The following CELSR1 variants were observed in gnomAD, a reference collection of about 807,000 sequenced individuals.
The protein encoded by CELSR1 is cadherin EGF LAG seven-pass G-type receptor 1.
Under a neutral mutation model 249.1 loss-of-function variants are expected in CELSR1, and 110 were observed. That is an observed-to-expected ratio of 0.44 (90% CI 0.38 to 0.52). The LOEUF is 0.52. Ranked by LOEUF, CELSR1 falls within the 20% of genes least tolerant of loss-of-function variation. The pLI, the probability that CELSR1 is intolerant of heterozygous loss-of-function variation, is 0.00. For missense variants in CELSR1, 4,109 were observed against 4,296.4 expected (o/e 0.96, Z 1.22); for synonymous variants, 2,113 against 1,900.0 (o/e 1.11, Z -2.92).
At chr22:46,514,238 G>A (rs956523427) in intron 1 of CELSR1, among the ~76,000 whole-genome samples, 1 of 152,122 alleles carries the variant, frequency 6.6e-6, no homozygotes, top group Admixed American at 6.5e-5. Flanking sequence ...CAACACCAGG[G>A]GAATCCCACC....
At chr22:46,533,398 G>T (rs1024297880) in intron 1 of CELSR1, among the ~76,000 whole-genome samples, 4 of 152,270 alleles carry the variant, frequency 2.6e-5, no homozygotes, top group African/African-American at 4.8e-5. Flanking sequence ...AGAACCGCAG[G>T]CCTGCTCCCA....
In CELSR1 at chr22:46,364,748, G is replaced by C; in HGVS notation, c.8555-12C>G. 4 of 1,609,270 alleles carry C rather than the reference G, an allele frequency of 2.5e-6. No homozygotes were observed. The highest frequency in any genetic ancestry group is 1.7e-5 in the Admixed American group (1 of 59,846). ...GGCCACAGCGTCCCCTGAGGCACGAGAGCGGTGCTCAGCAGGCAGCGGCAC... is the reference window on the plus strand; with the variant it reads ...GGCCACAGCGTCCCCTGAGGCACGACAGCGGTGCTCAGCAGGCAGCGGCAC... On this transcript the variant is annotated splice_polypyrimidine_tract_variant and intron_variant, in intron 32 of 34. Coordinates refer to ENST00000674500, the MANE Select transcript of CELSR1 (RefSeq NM_001378328.1).
chr22:46,536,050 G>T lies in CELSR1; in HGVS notation c.1121C>A (p.Thr374Asn). The change falls in exon 1 of 35, where the codon ACC becomes AAC. Residue 374 changes from threonine (T) to asparagine (N), a missense_variant. By Grantham distance (65) the Thr-to-Asn change is moderately conservative. This residue lies in a region of CELSR1 where 673 missense variants were observed against 636.8 expected (regional missense o/e 1.06). Coordinates refer to ENST00000674500, the MANE Select transcript of CELSR1 (RefSeq NM_001378328.1). ...ENLEVGYEVLTIRASDRDSPI... is the reference protein window; with the variant it reads ...ENLEVGYEVLNIRASDRDSPI... ...CGAGTCGCGGTCGCTGGCGCGGATGGTCAGCACCTCGTAGCCCACCTCCAG... is the reference window on the plus strand; with the variant it reads ...CGAGTCGCGGTCGCTGGCGCGGATGTTCAGCACCTCGTAGCCCACCTCCAG... 6.2e-7 allele frequency: 1 copy of T among 1,610,804 alleles called. No individual in the cohort carries two copies.
In CELSR1 at chr22:46,536,816, G is replaced by A. The variant is rs926287; in HGVS notation, c.355C>T (p.Arg119Trp). 1,147 of 1,205,410 alleles carry A rather than the reference G, an allele frequency of 9.5e-4. 12 individuals are homozygous for A. In the African/African-American group the frequency reaches 0.017, roughly 18 times the overall value. The allele number at this position is 1,205,410 out of a possible 1,614,324, so 74.7% of individuals were successfully genotyped here. The change falls in exon 1 of 35, where the codon CGG (arginine) becomes TGG (tryptophan). Residue 119 changes from arginine to tryptophan, a missense_variant. Transcript: ENST00000674500. Reference protein sequence around the residue: ...THLPGCGARARLCGTGARLCG... With the variant: ...THLPGCGARAWLCGTGARLCG... ...AGCCGGGCACCGGTTCCGCAGAGCCGGGCACGGGCTCCGCAGCCGGGAAGG... is the reference window on the plus strand; with the variant it reads ...AGCCGGGCACCGGTTCCGCAGAGCCAGGCACGGGCTCCGCAGCCGGGAAGG...
Position 46,389,407 on chromosome 22 carries a change from G to A in CELSR1, c.6438C>T (p.Gly2146=). Residue 2146 remains glycine, a synonymous_variant, in exon 18 of 35, where the codon GGC becomes GGT. Coordinates refer to ENST00000674500, the MANE Select transcript of CELSR1 (RefSeq NM_001378328.1). ...TGCGCACGTCATTGCCAAAGAGCGT[G>A]CCCGTGTGCTGTGTAGCACTGCGCA... ...RALRSATQHT[G]TLFGNDVRTA... The A allele has an allele frequency of 4.3e-6, 7 of 1,612,334 alleles. No individual in the cohort carries two copies. The highest frequency in any genetic ancestry group is 5.1e-6 in the Non-Finnish European group (6 of 1,179,944).
intron 1 of CELSR1, among the ~76,000 whole-genome samples, chr22:46,520,646 G>A (rs1289509539): frequency 6.6e-6 from 1 of 151,852 alleles, no homozygotes; most frequent in Non-Finnish European, 1.5e-5. Flanking sequence ...ATTTTTAGTG[G>A]AGACAAGGTT....
rs1348343391 is a variant in CELSR1, at chr22:46,472,661, G to A, written c.3545-8316C>T. 1.3e-5 allele frequency among the ~76,000 whole-genome samples: 2 copies of A among 152,226 alleles called. No individual in the cohort carries two copies. The highest frequency in any genetic ancestry group is 2.9e-5 in the Non-Finnish European group (2 of 68,040). On this transcript the variant is annotated intron_variant, in intron 1 of 34. Coordinates refer to ENST00000674500, the MANE Select transcript of CELSR1 (RefSeq NM_001378328.1). This position sits in a 1 kb window ranked among gnomAD's most constrained non-coding sequence, Gnocchi z 7.0. ...GCCGTCGGAGCAAAGGGCCGCCGCT[G>A]CATCACCAATACAGGACATTCACTC...
At position 46,439,119 on chromosome 22, in the gene CELSR1, T is replaced by C; in HGVS notation, c.4406+70A>G. On this transcript the variant is annotated intron_variant, in intron 3 of 34. Coordinates refer to ENST00000674500, the MANE Select transcript of CELSR1 (RefSeq NM_001378328.1). ...ACATCAACGTCACGATCTAGAGGGA[T>C]GGGGTGCACGGAGAAGCTCGCCCCT... is the stretch of plus-strand genomic sequence containing the variant. 3 of 1,389,654 alleles carry C rather than the reference T, an allele frequency of 2.2e-6. No individual in the cohort carries two copies. In the South Asian group the frequency reaches 3.8e-5, roughly 18 times the overall value. The allele number at this position is 1,389,654 out of a possible 1,614,324, so 86.1% of individuals were successfully genotyped here.
chr22:46,492,286 C>G (rs1230996113), intron 1 of CELSR1, among the ~76,000 whole-genome samples: 1 of 152,198 alleles, frequency 6.6e-6, no homozygotes, highest in Non-Finnish European at 1.5e-5. Flanking sequence ...TTGTAAAATT[C>G]TCCTTTAAAA....
Position 46,411,826 on chromosome 22 carries a change from G to C in CELSR1, c.4612-67C>G. The C allele has an allele frequency of 6.3e-7, 1 of 1,595,542 alleles. No individual in the cohort carries two copies. Among genetic ancestry groups the C allele is most frequent in the Non-Finnish European group, 8.5e-7 (1 of 1,169,676 alleles). On this transcript the variant is annotated intron_variant, in intron 5 of 34. Coordinates refer to ENST00000674500, the MANE Select transcript of CELSR1 (RefSeq NM_001378328.1). The surrounding 1 kb of genome is among the most constrained non-coding windows in gnomAD (Gnocchi z 4.2). ...ACCAGTGCCCTCAGCAGGCGCACCTGTCACTCATAGAGCGAGGAGGACATG... is the reference window on the plus strand; with the variant it reads ...ACCAGTGCCCTCAGCAGGCGCACCTCTCACTCATAGAGCGAGGAGGACATG...
At chr22:46,370,402 C>T (rs1421941458) in intron 25 of CELSR1, among the ~76,000 whole-genome samples, 5 of 152,012 alleles carry the variant, frequency 3.3e-5, no homozygotes, top group African/African-American at 9.7e-5. Context: ...CAGAGGCACA[C>T]ACCATACACA....
intron 1 of CELSR1, among the ~76,000 whole-genome samples, chr22:46,478,012 A>G (rs966449022): frequency 6.6e-6 from 1 of 152,074 alleles, no homozygotes; most frequent in African/African-American, 2.4e-5. Flanking sequence ...ATGACCACAC[A>G]TGTCTCCAGA....
rs943437822 is a variant in CELSR1, at chr22:46,536,609, G to T, written c.562C>A (p.Arg188=). The T allele has an allele frequency of 3.2e-5, 38 of 1,178,886 alleles. No homozygotes were observed. The highest frequency in any genetic ancestry group is 3.9e-5 in the Non-Finnish European group (37 of 956,694). 73.0% of individuals were successfully genotyped at this position (1,178,886 alleles called of 1,614,324 possible). ...ACCCGGACGGCGCCAGCCGCGCGCC[G>T]CAGGGCGCACAGCAGACGCAGGCGG... is the stretch of plus-strand genomic sequence containing the variant. ...SVRLRLLCAL[R]RAAGAVRVGL... is the part of the protein sequence containing the mutation. The change falls in exon 1 of 35, where the codon CGG becomes AGG. Residue 188 remains arginine, a synonymous_variant. Coordinates refer to ENST00000674500, the MANE Select transcript of CELSR1 (RefSeq NM_001378328.1).
intron 2 of CELSR1, among the ~76,000 whole-genome samples, chr22:46,443,637 C>T (rs963598886): frequency 6.6e-6 from 1 of 151,608 alleles, no homozygotes; most frequent in African/African-American, 2.4e-5. Flanking sequence ...AATTTCCCGT[C>T]TACACATGTC....
rs1453550847 is a variant in CELSR1 at position 46,396,463 on chromosome 22, G to A, written c.5843+142C>T. The A allele has an allele frequency of 9.5e-6, 8 of 840,520 alleles. No individual in the cohort carries two copies. Among genetic ancestry groups the A allele is most frequent in the Non-Finnish European group, 1.3e-5 (8 of 620,348 alleles). The allele number at this position is 840,520 out of a possible 1,614,324, so 52.1% of individuals were successfully genotyped here. A position where few individuals can be genotyped will look rare whatever the true frequency, so the allele number is the denominator to read the frequency against. On this transcript the variant is annotated intron_variant, in intron 13 of 34. Transcript: ENST00000674500. The surrounding 1 kb of genome is among the most constrained non-coding windows in gnomAD (Gnocchi z 6.4). The stretch of plus-strand genomic sequence containing the variant: ...AAAATTTGATTTTCACTTAATTCAT[G>A]CCAAATTAAAAAAAAATATGTCCCT...
Position 46,536,048 on chromosome 22 carries a change from T to G in CELSR1, c.1123A>C (p.Ile375Leu). The change falls in exon 1 of 35, where the codon ATC (isoleucine) becomes CTC (leucine). Residue 375 changes from isoleucine (I) to leucine (L), a missense_variant. Physicochemically the swap from Ile to Leu is conservative, Grantham distance 5. Transcript: ENST00000674500. ...NLEVGYEVLT[I>L]RASDRDSPIN... ...GGCGAGTCGCGGTCGCTGGCGCGGA[T>G]GGTCAGCACCTCGTAGCCCACCTCC... 6.2e-7 allele frequency: 1 copy of G among 1,610,818 alleles called. No individual in the cohort carries two copies. The highest frequency in any genetic ancestry group is 8.5e-7 in the Non-Finnish European group (1 of 1,179,882).
At chr22:46,452,357 C>T (rs2079895928) in intron 2 of CELSR1, among the ~76,000 whole-genome samples, 1 of 152,186 alleles carries the variant, frequency 6.6e-6, no homozygotes, top group Non-Finnish European at 1.5e-5. Flanking sequence ...GGCATGAGGA[C>T]CCAGTGTGCC....
At position 46,518,444 on chromosome 22, in the gene CELSR1, C is replaced by T. The variant is rs938666583; in HGVS notation, c.3544+15183G>A. Among the ~76,000 whole-genome samples, 3 of 152,342 alleles carry T rather than the reference C, an allele frequency of 2.0e-5. No homozygotes were observed. Among genetic ancestry groups the T allele is most frequent in the East Asian group, 1.9e-4 (1 of 5,184 alleles). ...TGGTGTGCTCGGGCATTCGGGTGGA[C>T]AGACTGCAGATCCCACTGAGAAGGG... On this transcript the variant is annotated intron_variant, in intron 1 of 34. Coordinates refer to ENST00000674500, the MANE Select transcript of CELSR1 (RefSeq NM_001378328.1). This position sits in a 1 kb window ranked among gnomAD's most constrained non-coding sequence, Gnocchi z 5.2.
At chr22:46,491,027 G>C (rs2080362114) in intron 1 of CELSR1, among the ~76,000 whole-genome samples, 1 of 152,016 alleles carries the variant, frequency 6.6e-6, no homozygotes, top group African/African-American at 2.4e-5. Context: ...CCTGCAAATG[G>C]AGGGCCCCCC....
Sources: allele counts gnomAD v4.1 joint callset (sites outside exome capture counted in the v4.1 genomes callset), GRCh38; gene constraint gnomAD v4.1.1; regional missense constraint gnomAD v4.1.1; non-coding constraint Gnocchi (gnomAD v3.1); transcripts MANE v1.5; gene names NCBI Gene and HGNC (gene_info 2026-07-23, HGNC 2026-07-21).